The following COL22A1 variants were observed in gnomAD, a reference collection of about 807,000 sequenced individuals.
COL22A1 encodes collagen alpha-1(XXII) chain.
COL22A1 carries 221 observed loss-of-function variants against 248.9 expected under a neutral mutation model. The ratio of observed to expected loss-of-function variants is 0.89; its 90% confidence interval spans 0.80 to 0.99. The LOEUF (loss-of-function observed/expected upper bound fraction) is 0.99, where lower values mean the gene tolerates loss of function less well. Among genes scored for constraint, COL22A1 ranks in the 50% least tolerant of loss-of-function variants. The pLI, the probability that COL22A1 is intolerant of heterozygous loss-of-function variation, is 0.00. For synonymous variants in COL22A1, 891 were observed against 793.4 expected (o/e 1.12, Z -2.07); for missense variants, 2,240 against 2,179.0 (o/e 1.03, Z -0.56).
At chr8:138,669,957 G>A (rs1256478608) in intron 41 of COL22A1, among the ~76,000 whole-genome samples, 1 of 146,774 alleles carries the variant, frequency 6.8e-6, no homozygotes, top group African/African-American at 2.6e-5. Context: ...CATGATCTTG[G>A]CTCACTGCAA....
intron 1 of COL22A1, among the ~76,000 whole-genome samples, chr8:138,898,995 C>G (rs1025032708): frequency 2.6e-5 from 4 of 152,202 alleles, no homozygotes; most frequent in African/African-American, 4.8e-5. Flanking sequence ...GCTTTCTTCA[C>G]CCGGCTCTAG....
rs143162540 is a variant in COL22A1, at chr8:138,895,732, A to G, written c.-72-12488T>C. On this transcript the variant is annotated intron_variant, in intron 1 of 64. Coordinates refer to ENST00000303045, the MANE Select transcript of COL22A1 (RefSeq NM_152888.3). ...GCAATCCAGGGAGAGAAGAAAGAGT[A>G]CGGAGCTCAAAAACTTAAAAGAAAT... Among the ~76,000 whole-genome samples the G allele has an allele frequency of 3.2e-3, 486 of 152,318 alleles. 3 individuals are homozygous for G. Among genetic ancestry groups the G allele is most frequent in the African/African-American group, 0.011 (448 of 41,586 alleles).
chr8:138,813,086 TCACACAGGCCCCGTC>T, intron 7 of COL22A1, 67 bp from the exon 8 acceptor site: 2 of 1,232,134 alleles, frequency 1.6e-6, no homozygotes, highest in Non-Finnish European at 2.4e-6. Flanking sequence ...CTCCGTGGTT[TCACACAGGCCCCGTC>T]CTGGTATCTG....
At position 138,867,967 on chromosome 8, in the gene COL22A1, G is replaced by A. The variant is rs184902799; in HGVS notation, c.658+9783C>T. 8.5e-5 allele frequency among the ~76,000 whole-genome samples: 13 copies of A among 152,264 alleles called. No homozygotes were observed. The East Asian group carries it at 2.1e-3, about 25-fold the overall frequency. ...TTTAGTACAGACAGGGTTTCACCAT[G>A]TTGGTCAGGATGGTCTTGATCTCCT... is the stretch of plus-strand genomic sequence containing the variant. On this transcript the variant is annotated intron_variant, in intron 3 of 64. Transcript: ENST00000303045.
At chr8:138,886,124 C>G (rs1824647781) in intron 1 of COL22A1, among the ~76,000 whole-genome samples, 1 of 152,174 alleles carries the variant, frequency 6.6e-6, no homozygotes, top group East Asian at 1.9e-4. Context: ...ACCTTCTCCC[C>G]TCTGATCCTT....
At chr8:138,789,665 G>A (rs117522979) in intron 12 of COL22A1, among the ~76,000 whole-genome samples, 155 of 152,280 alleles carry the variant, frequency 1.0e-3, no homozygotes, top group Non-Finnish European at 7.8e-4. Flanking sequence ...ATTGAAGGAG[G>A]GGCAGGGAAC....
intron 3 of COL22A1, among the ~76,000 whole-genome samples, chr8:138,869,454 G>A (rs1823150712): frequency 6.6e-6 from 1 of 152,128 alleles, no homozygotes; most frequent in South Asian, 2.1e-4. Flanking sequence ...TGTCGCACAA[G>A]CTCGTTGCTT....
chr8:138,894,693 G>C (rs978639617), intron 1 of COL22A1, among the ~76,000 whole-genome samples: 1 of 152,144 alleles, frequency 6.6e-6, no homozygotes, highest in Non-Finnish European at 1.5e-5. Context: ...GTTTAGGCAA[G>C]AGTCAGAGGA....
chr8:138,718,037 G>A (rs1435555939), intron 27 of COL22A1, among the ~76,000 whole-genome samples: 1 of 152,126 alleles, frequency 6.6e-6, no homozygotes. Flanking sequence ...TAGGTGGTAT[G>A]CAGGCTATAA....
intron 16 of COL22A1, 109 bp from the exon 17 acceptor site, chr8:138,762,575 G>A (rs1833575304): frequency 2.2e-6 from 2 of 921,406 alleles, no homozygotes; most frequent in South Asian, 1.5e-5. Context: ...GGGAAAAGGT[G>A]CCAAACGCAC....
intron 22 of COL22A1, among the ~76,000 whole-genome samples, chr8:138,744,043 C>T (rs1391284963): frequency 6.6e-6 from 1 of 152,156 alleles, no homozygotes; most frequent in Non-Finnish European, 1.5e-5. Context: ...CTGGTTAGAG[C>T]TGAAACCAGG....
chr8:138,619,887 C>T (rs950482202), intron 52 of COL22A1: 3 of 218,720 alleles, frequency 1.4e-5, no homozygotes, highest in Middle Eastern at 1.7e-3. Flanking sequence ...TGCACTTTAC[C>T]GATGGCAACA....
chr8:138,872,498 C>T (rs1181462971), intron 3 of COL22A1, among the ~76,000 whole-genome samples: 2 of 152,216 alleles, frequency 1.3e-5, no homozygotes, highest in Admixed American at 6.5e-5. Flanking sequence ...GAGGCCTTCT[C>T]GGCTGTGGCC....
At chr8:138,904,628 C>A (rs568932811) in intron 1 of COL22A1, among the ~76,000 whole-genome samples, 2 of 152,154 alleles carry the variant, frequency 1.3e-5, no homozygotes, top group African/African-American at 4.8e-5. Flanking sequence ...CTCCCCCCAC[C>A]AGTCCCCCAC....
intron 9 of COL22A1, among the ~76,000 whole-genome samples, chr8:138,810,600 G>C (rs577970806): frequency 6.6e-6 from 1 of 152,182 alleles, no homozygotes; most frequent in Non-Finnish European, 1.5e-5. Flanking sequence ...CTCACAGCAG[G>C]CTTCCAGCTT....
At chr8:138,882,980 G>A (rs1452138168) in intron 2 of COL22A1, 102 bp downstream of exon 2, 21 of 1,054,828 alleles carry the variant, frequency 2.0e-5, no homozygotes, top group Admixed American at 1.7e-4. Context: ...CACACAGTCA[G>A]TTGTGAACTC....
chr8:138,608,473 A>T (rs993254317), intron 56 of COL22A1, among the ~76,000 whole-genome samples: 1 of 152,156 alleles, frequency 6.6e-6, no homozygotes, highest in African/African-American at 2.4e-5. Flanking sequence ...CATTTAAAAT[A>T]CGTAGATACT....
intron 1 of COL22A1, among the ~76,000 whole-genome samples, chr8:138,910,462 C>T (rs1347646324): frequency 6.6e-6 from 1 of 152,174 alleles, no homozygotes; most frequent in Non-Finnish European, 1.5e-5. Context: ...AGTTCTGTCT[C>T]AAAATGCAGT....
chr8:138,664,203 GCGCGCGCACACA>G lies in COL22A1; in HGVS notation c.3151-475_3151-464del, dbSNP rs755099973. 2.1e-3 allele frequency among the ~76,000 whole-genome samples: 185 copies of G among 90,178 alleles called. 4 individuals carry two copies. The highest frequency in any genetic ancestry group is 3.1e-3 in the Non-Finnish European group (132 of 41,980). 59.2% of individuals were successfully genotyped at this position (90,178 alleles called of 152,430 possible). Reference sequence around the variant, plus strand: ...CTTCTCCAACAAGGGGTGCGCGCGCGCGCGCGCACACACACACACACACACACACACACACAC... The same window carrying G: ...CTTCTCCAACAAGGGGTGCGCGCGCGCACACACACACACACACACACACAC... On this transcript the variant is annotated intron_variant, in intron 41 of 64. Coordinates refer to ENST00000303045, the MANE Select transcript of COL22A1 (RefSeq NM_152888.3).
Sources: allele counts gnomAD v4.1 joint callset (sites outside exome capture counted in the v4.1 genomes callset), GRCh38; gene constraint gnomAD v4.1.1; transcripts MANE v1.5; gene names NCBI Gene and HGNC (gene_info 2026-07-23, HGNC 2026-07-21).